The following UGT1A8 variants were observed in gnomAD, a reference collection of about 807,000 sequenced individuals.
UGT1A8 encodes the protein UDP-glucuronosyltransferase 1A8.
Under a neutral mutation model 45.3 loss-of-function variants are expected in UGT1A8, and 39 were observed. That is an observed-to-expected ratio of 0.86 (90% CI 0.67 to 1.12). The LOEUF is 1.12. UGT1A8 is among the 50% of genes most tolerant of loss of function. The pLI, the probability that UGT1A8 is intolerant of heterozygous loss-of-function variation, is 0.00. For missense variants in UGT1A8, 719 were observed against 664.9 expected (o/e 1.08, Z -0.90); for synonymous variants, 275 against 249.2 (o/e 1.10, Z -0.97).
intron 2 of UGT1A8, 67 bp from the exon 3 acceptor site, chr2:233,767,782 A>T: frequency 3.1e-6 from 5 of 1,613,494 alleles, no homozygotes; most frequent in Non-Finnish European, 4.2e-6. Context: ...TCTAGTTAGT[A>T]TAGCAGATTT....
At chr2:233,704,428 G>A (rs1028112789) in intron 1 of UGT1A8, among the ~76,000 whole-genome samples, 1 of 151,928 alleles carries the variant, frequency 6.6e-6, no homozygotes, top group African/African-American at 2.4e-5. Context: ...CTTAATTCCA[G>A]TTAAATATTG....
chr2:233,625,943 T>G (rs571204882), intron 1 of UGT1A8, among the ~76,000 whole-genome samples: 1 of 152,102 alleles, frequency 6.6e-6, no homozygotes, highest in East Asian at 1.9e-4. Context: ...AAGTTGAGTA[T>G]GTATAAGAGG....
At chr2:233,710,721 A>T (rs1037353062) in intron 1 of UGT1A8, among the ~76,000 whole-genome samples, 4 of 152,174 alleles carry the variant, frequency 2.6e-5, no homozygotes, top group African/African-American at 9.7e-5. Flanking sequence ...TCATTTTTTA[A>T]AAAACAACGT....
rs1472229025 is a variant in UGT1A8 at position 233,772,837 on chromosome 2, T to C, written c.*278T>C. ...CGTGCAGACAGGCTGGCATTCTAGA[T>C]TACTTTTCTTACTCTGAAACATGGC... is the stretch of plus-strand genomic sequence containing the variant. On this transcript the variant is annotated 3_prime_UTR_variant, in exon 5 of 5. Transcript: ENST00000373450. 1.2e-6 allele frequency: 1 copy of C among 832,170 alleles called. No homozygotes were observed. The highest frequency in any genetic ancestry group is 1.7e-6 in the Non-Finnish European group (1 of 590,342). The allele number at this position is 832,170 out of a possible 1,614,324, so 51.5% of individuals were successfully genotyped here.
chr2:233,682,627 A>G (rs767023426), intron 1 of UGT1A8: 1 of 1,613,954 alleles, frequency 6.2e-7, no homozygotes, highest in South Asian at 1.1e-5. Context: ...TCTTAGAAAT[A>G]GCCTCTGAAA....
At chr2:233,743,824 G>C (rs757559777) in intron 1 of UGT1A8, 1 of 1,367,262 alleles carries the variant, frequency 7.3e-7, no homozygotes, top group Non-Finnish European at 9.8e-7. Flanking sequence ...TTTTGTCGGG[G>C]TGCCACTTGA....
rs1485888079 is a variant in UGT1A8 at position 233,751,702 on chromosome 2, C to A, written c.856-15332C>A. On this transcript the variant is annotated intron_variant, in intron 1 of 4. Coordinates refer to ENST00000373450, the MANE Select transcript of UGT1A8 (RefSeq NM_019076.5). ...GCTGATGGTTTTATAAGGGGCTCTT[C>A]CTCCTTCACTCACAAGTGAACTCTT... is the stretch of plus-strand genomic sequence containing the variant. Among the ~76,000 whole-genome samples, 4 of 152,152 alleles carry A rather than the reference C, an allele frequency of 2.6e-5. No individual in the cohort carries two copies. In the South Asian group the frequency reaches 8.3e-4, roughly 32 times the overall value.
chr2:233,630,357 C>A (rs918804523), intron 1 of UGT1A8, among the ~76,000 whole-genome samples: 1 of 152,160 alleles, frequency 6.6e-6, no homozygotes, highest in Non-Finnish European at 1.5e-5. Context: ...TGCAGAATCT[C>A]TCACTAAATG....
chr2:233,699,963 C>T (rs550263669), intron 1 of UGT1A8, among the ~76,000 whole-genome samples: 13 of 152,298 alleles, frequency 8.5e-5, no homozygotes, highest in African/African-American at 1.2e-4. Context: ...GAAAAATACC[C>T]GTCCCCCAAC....
intron 1 of UGT1A8, among the ~76,000 whole-genome samples, chr2:233,695,902 GT>G (rs144527865): frequency 5.9e-5 from 9 of 151,998 alleles, no homozygotes; most frequent in African/African-American, 1.2e-4. Flanking sequence ...AATGTGTGGG[GT>G]TTTTTTTCTC....
intron 1 of UGT1A8, among the ~76,000 whole-genome samples, chr2:233,724,415 C>T (rs1413397133): frequency 1.7e-4 from 22 of 126,854 alleles, no homozygotes; most frequent in East Asian, 7.8e-4. Flanking sequence ...GGGTGGCTGC[C>T]GGGCGGAGAG....
rs1265227912 is a variant in UGT1A8 at position 233,618,233 on chromosome 2, T to C, written c.526T>C (p.Tyr176His). ...VVFARGIACH[Y>H]LEEGAQCPAP... Reference sequence around the variant, plus strand: ...CTTCGCCAGGGGAATAGCTTGCCACTATCTTGAAGAAGGTGCACAGTGCCC... The same window carrying C: ...CTTCGCCAGGGGAATAGCTTGCCACCATCTTGAAGAAGGTGCACAGTGCCC... The change falls in exon 1 of 5, where the codon TAT (tyrosine) becomes CAT (histidine). Residue 176 changes from tyrosine (Y) to histidine (H), a missense_variant. Tyr to His is a moderately conservative substitution (Grantham distance 83). Transcript: ENST00000373450. 8 of 1,613,856 alleles carry C rather than the reference T, an allele frequency of 5.0e-6. No individual in the cohort carries two copies. The highest frequency in any genetic ancestry group is 4.4e-5 in the South Asian group (4 of 91,074).
chr2:233,682,702 T>A (rs1454428340), intron 1 of UGT1A8: 1 of 1,613,904 alleles, frequency 6.2e-7, no homozygotes, highest in Admixed American at 1.7e-5. Flanking sequence ...TGTTGCGAAC[T>A]GACTTTGTTT....
At chr2:233,730,261 T>C (rs1457802984) in intron 1 of UGT1A8, among the ~76,000 whole-genome samples, 1 of 152,074 alleles carries the variant, frequency 6.6e-6, no homozygotes, top group East Asian at 1.9e-4. Context: ...ATAGAGACTG[T>C]TGGTTTGTAA....
At chr2:233,726,995 G>T (rs1214460784) in intron 1 of UGT1A8, among the ~76,000 whole-genome samples, 3 of 152,034 alleles carry the variant, frequency 2.0e-5, no homozygotes, top group African/African-American at 4.8e-5. Flanking sequence ...GTTCTTTCTA[G>T]CAAAGTTTTA....
chr2:233,644,209 G>C (rs1235617712), intron 1 of UGT1A8, among the ~76,000 whole-genome samples: 1 of 152,114 alleles, frequency 6.6e-6, no homozygotes, highest in Non-Finnish European at 1.5e-5. Context: ...CGGTGGTGAG[G>C]TCTGTGGGCA....
intron 1 of UGT1A8, among the ~76,000 whole-genome samples, chr2:233,735,199 T>C (rs2078621377): frequency 6.6e-6 from 1 of 152,232 alleles, no homozygotes; most frequent in Non-Finnish European, 1.5e-5. Flanking sequence ...TAGGTGCTCC[T>C]GTATTGGGTG....
intron 1 of UGT1A8, among the ~76,000 whole-genome samples, chr2:233,705,160 G>A (rs111652799): frequency 2.0e-5 from 3 of 151,646 alleles, no homozygotes; most frequent in African/African-American, 7.3e-5. Context: ...GAGAGAGAGA[G>A]AGAGAATAAA....
At chr2:233,751,873 T>C (rs1694839350) in intron 1 of UGT1A8, among the ~76,000 whole-genome samples, 1 of 152,168 alleles carries the variant, frequency 6.6e-6, no homozygotes, top group African/African-American at 2.4e-5. Flanking sequence ...AATTACCCCG[T>C]CTTGGGTATG....
Sources: allele counts gnomAD v4.1 joint callset (sites outside exome capture counted in the v4.1 genomes callset), GRCh38; gene constraint gnomAD v4.1.1; transcripts MANE v1.5; gene names NCBI Gene and HGNC (gene_info 2026-07-23, HGNC 2026-07-21).